The following FOXR2 variants were observed in gnomAD, a reference collection of about 807,000 sequenced individuals.
FOXR2 encodes the protein forkhead box R2.
For synonymous variants in FOXR2, 109 were observed against 84.1 expected (o/e 1.30, Z -1.62); for missense variants, 234 against 227.1 (o/e 1.03, Z -0.20).
chrX:55,624,317 C>T lies in FOXR2; in HGVS notation c.606C>T (p.Ala202=), dbSNP rs1414334890. 1 of 1,210,332 alleles carries T rather than the reference C, an allele frequency of 8.3e-7. No homozygotes were observed. Among genetic ancestry groups the T allele is most frequent in the African/African-American group, 1.7e-5 (1 of 57,369 alleles). ...RPPLNCSHLI[A]LALRNNPHCG... ...CTCTCAATTGTAGCCACCTTATTGCCCTAGCATTAAGAAACAACCCCCACT... is the reference window on the plus strand; with the variant it reads ...CTCTCAATTGTAGCCACCTTATTGCTCTAGCATTAAGAAACAACCCCCACT... Residue 202 remains alanine, a synonymous_variant, in exon 1 of 1, where the codon GCC becomes GCT. Transcript: ENST00000339140.
chrX:55,624,385 A>G lies in FOXR2; in HGVS notation c.674A>G (p.His225Arg). 1 of 1,211,868 alleles carries G rather than the reference A, an allele frequency of 8.3e-7. No individual in the cohort carries two copies. Among genetic ancestry groups the G allele is most frequent in the Non-Finnish European group, 1.1e-6 (1 of 895,509 alleles). The stretch of plus-strand genomic sequence containing the variant: ...GAGATCTACAATTTCACCCGACAGC[A>G]TTTCCCCTTTTTCTGGACAGCTCCG... ...VQEIYNFTRQ[H>R]FPFFWTAPDG... The change falls in exon 1 of 1, where the codon CAT becomes CGT. Residue 225 changes from histidine (H) to arginine (R), a missense_variant. His to Arg is a conservative substitution (Grantham distance 29). Coordinates refer to ENST00000339140, the MANE Select transcript of FOXR2 (RefSeq NM_198451.4).
At position 55,624,671 on chromosome X, in the gene FOXR2, C is replaced by T; in HGVS notation, c.*24C>T. ...GAAATGCCATTGCTCCCTTTTGGAACACTGCCTTCCTTACTGTGCCTACTT... is the reference window on the plus strand; with the variant it reads ...GAAATGCCATTGCTCCCTTTTGGAATACTGCCTTCCTTACTGTGCCTACTT... On this transcript the variant is annotated 3_prime_UTR_variant, in exon 1 of 1. Coordinates refer to ENST00000339140, the MANE Select transcript of FOXR2 (RefSeq NM_198451.4). The T allele has an allele frequency of 9.2e-7, 1 of 1,088,385 alleles. No homozygotes were observed. The highest frequency in any genetic ancestry group is 2.0e-5 in the South Asian group (1 of 50,133). The allele number at this position is 1,088,385 out of a possible 1,213,427, so 89.7% of individuals were successfully genotyped here. A position where few individuals can be genotyped will look rare whatever the true frequency, so the allele number is the denominator to read the frequency against.
Position 55,624,439 on chromosome X carries a change from A to G in FOXR2, c.728A>G (p.Asn243Ser). 2 of 1,211,307 alleles carry G rather than the reference A, an allele frequency of 1.7e-6. No individual in the cohort carries two copies. Among genetic ancestry groups the G allele is most frequent in the Non-Finnish European group, 2.2e-6 (2 of 895,317 alleles). ...PDGWKSTIHYNLCFLDSFEKV... is the reference protein window; with the variant it reads ...PDGWKSTIHYSLCFLDSFEKV... The stretch of plus-strand genomic sequence containing the variant: ...GGCTGGAAGAGCACCATTCATTACA[A>G]CCTCTGCTTCCTGGACAGCTTTGAG... The change falls in exon 1 of 1, where the codon AAC (asparagine) becomes AGC (serine). Residue 243 changes from asparagine to serine, a missense_variant. By Grantham distance (46) the Asn-to-Ser change is conservative (BLOSUM62 1). Transcript: ENST00000339140.
rs768878881 is a variant in FOXR2, at chrX:55,623,997, C to A, written c.286C>A (p.Pro96Thr). The A allele has an allele frequency of 5.0e-6, 6 of 1,211,615 alleles. No homozygotes were observed. The highest frequency in any genetic ancestry group is 6.7e-6 in the Non-Finnish European group (6 of 895,467). The change falls in exon 1 of 1, where the codon CCA (proline) becomes ACA (threonine). Residue 96 changes from proline (P) to threonine (T), a missense_variant. Transcript: ENST00000339140. ...GTGCCCCCTTGGCAGCCAGGAGGCC[C>A]CAAAGCCCAGTGGAAAAGAGGATCT... ...ILCPLGSQEA[P>T]KPSGKEDLTN...
Position 55,624,156 on chromosome X carries a change from C to T in FOXR2, c.445C>T (p.Pro149Ser). The change falls in exon 1 of 1, where the codon CCC becomes TCC. Residue 149 changes from proline (P) to serine (S), a missense_variant. Coordinates refer to ENST00000339140, the MANE Select transcript of FOXR2 (RefSeq NM_198451.4). ...TTTACAGAAGCAGGGTATCCATTCC[C>T]CCAGTGACTTTGAGCTCACAGAAGA... ...SPLQKQGIHS[P>S]SDFELTEEEA... The T allele has an allele frequency of 8.3e-7, 1 of 1,211,844 alleles. No individual in the cohort carries two copies. The highest frequency in any genetic ancestry group is 1.8e-5 in the South Asian group (1 of 56,986).
Position 55,625,751 on chromosome X carries a change from A to C in FOXR2, c.*1104A>C, listed in dbSNP as rs2032336353. 9.0e-6 allele frequency among the ~76,000 whole-genome samples: 1 copy of C among 111,554 alleles called. No individual in the cohort carries two copies. The highest frequency in any genetic ancestry group is 3.3e-5 in the African/African-American group (1 of 30,711). ...AGTGGAGTTTTGCTAAAAAACAAAA[A>C]AAGAAACAAGCCAGCAGCAACAACA... is the stretch of plus-strand genomic sequence containing the variant. On this transcript the variant is annotated 3_prime_UTR_variant, in exon 1 of 1. Transcript: ENST00000339140.
chrX:55,623,796 G>T lies in FOXR2; in HGVS notation c.85G>T (p.Glu29Ter). 2 of 1,211,271 alleles carry T rather than the reference G, an allele frequency of 1.7e-6. No individual in the cohort carries two copies. The highest frequency in any genetic ancestry group is 2.2e-6 in the Non-Finnish European group (2 of 894,900). ...PGLLDWDMRN[E>*]LFLPCTTDQC... Reference sequence around the variant, plus strand: ...GCTGCTGGACTGGGACATGAGGAATGAGTTATTTCTGCCTTGTACCACAGA... The same window carrying T: ...GCTGCTGGACTGGGACATGAGGAATTAGTTATTTCTGCCTTGTACCACAGA... The change falls in exon 1 of 1, where the codon GAG (glutamate) becomes TAG (stop). Residue 29 changes from glutamate to a stop codon, truncating the protein, a stop_gained. Transcript: ENST00000339140. LOFTEE classifies it low-confidence loss of function (END_TRUNC).
At position 55,623,669 on chromosome X, in the gene FOXR2, C is replaced by G. The variant is rs760712049; in HGVS notation, c.-43C>G. The G allele has an allele frequency of 2.0e-6, 2 of 1,007,066 alleles. No homozygotes were observed. Among genetic ancestry groups the G allele is most frequent in the South Asian group, 4.2e-5 (2 of 47,220 alleles). 83.0% of individuals were successfully genotyped at this position (1,007,066 alleles called of 1,213,427 possible). A position where few individuals can be genotyped will look rare whatever the true frequency, so the allele number is the denominator to read the frequency against. On this transcript the variant is annotated 5_prime_UTR_variant, in exon 1 of 1. The change creates a new upstream start codon in the 5' untranslated region. Coordinates refer to ENST00000339140, the MANE Select transcript of FOXR2 (RefSeq NM_198451.4). The stretch of plus-strand genomic sequence containing the variant: ...ACAGCTTTAAGTGCCTGCTAGATAT[C>G]TGTTCTTTCAGAAGTCTCTCTCCAC...
rs1192554393 is a variant in FOXR2 at position 55,625,693 on chromosome X, C to T, written c.*1046C>T. 9.0e-6 allele frequency among the ~76,000 whole-genome samples: 1 copy of T among 110,923 alleles called. No individual in the cohort carries two copies. The highest frequency in any genetic ancestry group is 9.6e-5 in the Admixed American group (1 of 10,376). ...AGAAAACTATTAGGTGTTTGGACTT[C>T]ATCTTGTGGGTTTTTAGGAGCCAAG... On this transcript the variant is annotated 3_prime_UTR_variant, in exon 1 of 1. Transcript: ENST00000339140.
In FOXR2 at chrX:55,624,729, C is replaced by T. The variant is rs2032327249; in HGVS notation, c.*82C>T. 3.8e-6 allele frequency: 3 copies of T among 789,031 alleles called. No individual in the cohort carries two copies. The East Asian group carries it at 9.8e-5, about 26-fold the overall frequency. The allele number at this position is 789,031 out of a possible 1,213,427, so 65.0% of individuals were successfully genotyped here. A position where few individuals can be genotyped will look rare whatever the true frequency, so the allele number is the denominator to read the frequency against. ...GACATTCATTAATCTCTAAACTTAC[C>T]CAGCCTGGTTGGTGCCAAGTCTGTC... is the stretch of plus-strand genomic sequence containing the variant. On this transcript the variant is annotated 3_prime_UTR_variant, in exon 1 of 1. Coordinates refer to ENST00000339140, the MANE Select transcript of FOXR2 (RefSeq NM_198451.4).
chrX:55,624,349 T>G lies in FOXR2; in HGVS notation c.638T>G (p.Leu213Arg). ...LALRNNPHCGLSVQEIYNFTR... is the reference protein window; with the variant it reads ...LALRNNPHCGRSVQEIYNFTR... The stretch of plus-strand genomic sequence containing the variant: ...TTAAGAAACAACCCCCACTGTGGCC[T>G]CAGTGTGCAGGAGATCTACAATTTC... The change falls in exon 1 of 1, where the codon CTC becomes CGC. Residue 213 changes from leucine to arginine, a missense_variant. Transcript: ENST00000339140. 1 of 1,211,555 alleles carries G rather than the reference T, an allele frequency of 8.3e-7. No homozygotes were observed. Among genetic ancestry groups the G allele is most frequent in the East Asian group, 3.0e-5 (1 of 33,815 alleles).
In FOXR2 at chrX:55,624,137, G is replaced by T. The variant is rs2032319074; in HGVS notation, c.426G>T (p.Gln142His). 1 of 1,212,015 alleles carries T rather than the reference G, an allele frequency of 8.3e-7. No homozygotes were observed. The highest frequency in any genetic ancestry group is 1.1e-6 in the Non-Finnish European group (1 of 895,566). ...CCTCCAGTGAGCAGTCTCCTTTACAGAAGCAGGGTATCCATTCCCCCAGTG... is the reference window on the plus strand; with the variant it reads ...CCTCCAGTGAGCAGTCTCCTTTACATAAGCAGGGTATCCATTCCCCCAGTG... The part of the protein sequence containing the change: ...PSSSSEQSPL[Q>H]KQGIHSPSDF... Residue 142 changes from glutamine (Q) to histidine (H), a missense_variant, in exon 1 of 1, where the codon CAG becomes CAT. Physicochemically the swap from Gln to His is conservative, Grantham distance 24. Coordinates refer to ENST00000339140, the MANE Select transcript of FOXR2 (RefSeq NM_198451.4).
Position 55,624,750 on chromosome X carries a change from C to T in FOXR2, c.*103C>T. On this transcript the variant is annotated 3_prime_UTR_variant, in exon 1 of 1. Transcript: ENST00000339140. ...TTACCCAGCCTGGTTGGTGCCAAGT[C>T]TGTCTTTAGCTACTGTTACAATAAT... 1.7e-6 allele frequency: 1 copy of T among 586,425 alleles called. No homozygotes were observed. The highest frequency in any genetic ancestry group is 3.5e-5 in the East Asian group (1 of 28,550). The allele number at this position is 586,425 out of a possible 1,213,427, so 48.3% of individuals were successfully genotyped here. A position where few individuals can be genotyped will look rare whatever the true frequency, so the allele number is the denominator to read the frequency against.
Position 55,624,829 on chromosome X carries a change from T to A in FOXR2, c.*182T>A, listed in dbSNP as rs1054257408. On this transcript the variant is annotated 3_prime_UTR_variant, in exon 1 of 1. Coordinates refer to ENST00000339140, the MANE Select transcript of FOXR2 (RefSeq NM_198451.4). ...AGGGGAGACAGAACTTAAATCCAGG[T>A]GGAGAGTCATGGAAAGTCGCACGAG... is the stretch of plus-strand genomic sequence containing the variant. The A allele has an allele frequency of 2.5e-6, 1 of 406,888 alleles. No individual in the cohort carries two copies. Among genetic ancestry groups the A allele is most frequent in the African/African-American group, 2.5e-5 (1 of 39,852 alleles). 33.5% of individuals were successfully genotyped at this position (406,888 alleles called of 1,213,427 possible).
Position 55,623,652 on chromosome X carries a change from A to T in FOXR2, c.-60A>T. On this transcript the variant is annotated 5_prime_UTR_variant, in exon 1 of 1. The change abolishes the stop of an existing upstream ORF in the 5' untranslated region. Transcript: ENST00000339140. ...AAAATGATGCCCAAAGGACAGCTTT[A>T]AGTGCCTGCTAGATATCTGTTCTTT... 1.1e-6 allele frequency: 1 copy of T among 899,180 alleles called. No homozygotes were observed. The highest frequency in any genetic ancestry group is 1.6e-6 in the Non-Finnish European group (1 of 631,208). The allele number at this position is 899,180 out of a possible 1,213,427, so 74.1% of individuals were successfully genotyped here.
chrX:55,625,621 A>G lies in FOXR2; in HGVS notation c.*974A>G, dbSNP rs1275135782. Among the ~76,000 whole-genome samples, 3 of 111,498 alleles carry G rather than the reference A, an allele frequency of 2.7e-5. No homozygotes were observed. Among genetic ancestry groups the G allele is most frequent in the Non-Finnish European group, 5.7e-5 (3 of 53,094 alleles). On this transcript the variant is annotated 3_prime_UTR_variant, in exon 1 of 1. Transcript: ENST00000339140. ...TGGATGGAGTGTTTGGGGGAATGGC[A>G]TGAAGTTCAGTGTGACTTAACTACA...
Position 55,624,403 on chromosome X carries a change from C to T in FOXR2, c.692C>T (p.Thr231Ile), listed in dbSNP as rs770257316. ...FTRQHFPFFW[T>I]APDGWKSTIH... ...CGACAGCATTTCCCCTTTTTCTGGA[C>T]AGCTCCGGATGGCTGGAAGAGCACC... The change falls in exon 1 of 1, where the codon ACA (threonine) becomes ATA (isoleucine). Residue 231 changes from threonine (T) to isoleucine (I), a missense_variant. Coordinates refer to ENST00000339140, the MANE Select transcript of FOXR2 (RefSeq NM_198451.4). The T allele has an allele frequency of 8.3e-7, 1 of 1,211,901 alleles. No individual in the cohort carries two copies. Among genetic ancestry groups the T allele is most frequent in the East Asian group, 3.0e-5 (1 of 33,845 alleles).
Position 55,623,842 on chromosome X carries a change from A to T in FOXR2, c.131A>T (p.Gln44Leu), listed in dbSNP as rs763175176. Residue 44 changes from glutamine to leucine, a missense_variant, in exon 1 of 1, where the codon CAA becomes CTA. Coordinates refer to ENST00000339140, the MANE Select transcript of FOXR2 (RefSeq NM_198451.4). The part of the protein sequence containing the change: ...CTTDQCSLAE[Q>L]ILAKYRVGVM... ...ACAGACCAGTGCTCTTTAGCTGAGC[A>T]AATCCTTGCCAAATACAGAGTCGGA... is the stretch of plus-strand genomic sequence containing the variant. 8 of 1,211,813 alleles carry T rather than the reference A, an allele frequency of 6.6e-6. No individual in the cohort carries two copies. Among genetic ancestry groups the T allele is most frequent in the Non-Finnish European group, 8.9e-6 (8 of 895,474 alleles).
At position 55,624,515 on chromosome X, in the gene FOXR2, C is replaced by A. The variant is rs372713124; in HGVS notation, c.804C>A (p.Cys268Ter). Residue 268 changes from cysteine (C) to a stop codon, truncating the protein, a stop_gained, in exon 1 of 1, where the codon TGC becomes TGA. Transcript: ENST00000339140. LOFTEE classifies it low-confidence loss of function (END_TRUNC). ...AAGATAATGCAAGACCTCGCTCTTGCCTTTGGAAGCTCACTAAGGAGGGGC... is the reference window on the plus strand; with the variant it reads ...AAGATAATGCAAGACCTCGCTCTTGACTTTGGAAGCTCACTAAGGAGGGGC... The part of the protein sequence containing the change: ...KDEDNARPRS[C>*]LWKLTKEGHR... 1.7e-6 allele frequency: 2 copies of A among 1,210,118 alleles called. No individual in the cohort carries two copies. Among genetic ancestry groups the A allele is most frequent in the East Asian group, 5.9e-5 (2 of 33,782 alleles).
Sources: allele counts gnomAD v4.1 joint callset (sites outside exome capture counted in the v4.1 genomes callset), GRCh38; gene constraint gnomAD v4.1.1; transcripts MANE v1.5; gene names NCBI Gene and HGNC (gene_info 2026-07-23, HGNC 2026-07-21).